RFT1: variants seen among roughly 807,000 people sequenced by gnomAD.
The protein encoded by RFT1 is man(5)GlcNAc(2)-PP-dolichol translocation protein RFT1.
A neutral mutation model predicts 62.2 loss-of-function variants in RFT1; 43 were observed. The observed-to-expected ratio is 0.69, with a 90% confidence interval of 0.54 to 0.89. The LOEUF (loss-of-function observed/expected upper bound fraction) is 0.89, where lower values mean the gene tolerates loss of function less well. Ranked by LOEUF, RFT1 falls within the 40% of genes least tolerant of loss-of-function variation. RFT1 has a pLI of 0.00. For synonymous variants in RFT1, 262 were observed against 264.6 expected (o/e 0.99, Z 0.10); for missense variants, 605 against 649.9 (o/e 0.93, Z 0.75).
At chr3:53,102,861 C>T (rs564888088) in intron 10 of RFT1, among the ~76,000 whole-genome samples, 72 of 152,314 alleles carry the variant, frequency 4.7e-4, no homozygotes, top group South Asian at 2.1e-3. Context: ...CTCCTTGAGG[C>T]AACGCCCTGT....
chr3:53,118,244 C>T (rs1701864348), intron 6 of RFT1, among the ~76,000 whole-genome samples: 1 of 152,168 alleles, frequency 6.6e-6, no homozygotes, highest in African/African-American at 2.4e-5. Flanking sequence ...ATCTGCCAGG[C>T]TTGGTACAGG....
chr3:53,121,372 T>G (rs1321123759), intron 5 of RFT1, among the ~76,000 whole-genome samples: 2 of 152,126 alleles, frequency 1.3e-5, no homozygotes, highest in African/African-American at 4.8e-5. Context: ...CCCACTGATT[T>G]TTTTCTCCTT....
At chr3:53,076,951 CA>C in the RFT1 span, among the ~76,000 whole-genome samples, 2,093 of 90,180 alleles carry the variant, frequency 0.023, 26 homozygotes, top group African/African-American at 0.062. Flanking sequence ...GACCTCATCT[CA>C]AAAAAAAAAA....
downstream of RFT1, among the ~76,000 whole-genome samples, chr3:53,088,068 A>G (rs955680556): frequency 3.9e-5 from 6 of 152,208 alleles, no homozygotes; most frequent in African/African-American, 1.4e-4. Context: ...TATTAGAGTG[A>G]AGGGGCTGTC....
intron 5 of RFT1, among the ~76,000 whole-genome samples, chr3:53,120,478 A>G (rs1701939914): frequency 6.6e-6 from 1 of 152,218 alleles, no homozygotes; most frequent in African/African-American, 2.4e-5. Context: ...ATTAATGATT[A>G]CAAAGCACAA....
downstream of RFT1, among the ~76,000 whole-genome samples, chr3:53,084,481 T>C (rs549916756): frequency 2.6e-5 from 4 of 152,272 alleles, no homozygotes; most frequent in East Asian, 7.7e-4. Context: ...TTGGAAAGGG[T>C]GTCAGGATCT....
At chr3:53,066,860 G>T in the RFT1 span, among the ~76,000 whole-genome samples, 4 of 152,218 alleles carry the variant, frequency 2.6e-5, no homozygotes, top group African/African-American at 9.7e-5. Context: ...ACGTGCACAG[G>T]ATTATTCATA....
intron 10 of RFT1, among the ~76,000 whole-genome samples, chr3:53,102,083 G>A (rs1701332890): frequency 1.3e-5 from 2 of 151,976 alleles, no homozygotes; most frequent in African/African-American, 2.4e-5. Context: ...AGGCAGACAC[G>A]TGCAGGGAGA....
chr3:53,104,209 G>A (rs1306514032), intron 9 of RFT1, 112 bp from the exon 10 acceptor site: 1 of 1,066,102 alleles, frequency 9.4e-7, no homozygotes, highest in East Asian at 2.5e-5. Flanking sequence ...TCTTCCAACA[G>A]CGTGATGGAT....
intron 11 of RFT1, among the ~76,000 whole-genome samples, chr3:53,096,301 GC>G (rs1048045967): frequency 5.3e-5 from 8 of 152,138 alleles, no homozygotes; most frequent in Non-Finnish European, 7.4e-5. Context: ...AAATTAGACA[GC>G]CTTAACAAAA....
chr3:53,094,735 G>A (rs1471245924), intron 11 of RFT1, among the ~76,000 whole-genome samples: 2 of 151,840 alleles, frequency 1.3e-5, no homozygotes, highest in African/African-American at 4.8e-5. Flanking sequence ...CCCCAACTCC[G>A]AGTAAAATAA....
At chr3:53,092,150 T>G in intron 12 of RFT1, 80 bp from the exon 13 acceptor site, 2 of 1,556,226 alleles carry the variant, frequency 1.3e-6, no homozygotes, top group South Asian at 2.3e-5. Flanking sequence ...AAGACAGCTG[T>G]GGTTCCAGCT....
the RFT1 span, among the ~76,000 whole-genome samples, chr3:53,081,640 G>A: frequency 9.2e-5 from 14 of 152,296 alleles, no homozygotes; most frequent in South Asian, 1.7e-3. Context: ...AATTAGACCC[G>A]AGAGGCCAAA....
At chr3:53,111,765 T>C (rs878916263) in intron 7 of RFT1, 65 bp downstream of exon 7, 1 of 1,340,424 alleles carries the variant, frequency 7.5e-7, no homozygotes, top group Non-Finnish European at 1.1e-6. Flanking sequence ...CCCAGGTAAT[T>C]GGCAGTCCTA....
chr3:53,092,031 C>G lies in RFT1; in HGVS notation c.1498G>C (p.Ala500Pro), dbSNP rs1474992400. 16 of 1,614,146 alleles carry G rather than the reference C, an allele frequency of 9.9e-6. No homozygotes were observed. Among genetic ancestry groups the G allele is most frequent in the Non-Finnish European group, 1.4e-5 (16 of 1,180,050 alleles). Residue 500 changes from alanine to proline, a missense_variant, in exon 13 of 13, where the codon GCA becomes CCA. Coordinates refer to ENST00000296292, the MANE Select transcript of RFT1 (RefSeq NM_052859.4). The stretch of plus-strand genomic sequence containing the variant: ...CAGAAGGCCCCCACAGCAATGTGTG[C>G]CAGTCTGGCTGGCCAGCCCTGCTCA... ...CCEQGWPARL[A>P]HIAVGAFCLG...
the RFT1 span, among the ~76,000 whole-genome samples, chr3:53,070,035 G>A: frequency 4.7e-3 from 723 of 152,292 alleles, 7 homozygotes; most frequent in African/African-American, 0.017. Context: ...CTGGCTAGAT[G>A]TTTCCTGCCC....
At chr3:53,083,254 G>C in the RFT1 span, among the ~76,000 whole-genome samples, 1 of 145,562 alleles carries the variant, frequency 6.9e-6, no homozygotes, top group African/African-American at 2.5e-5. Flanking sequence ...GCTCACGCCT[G>C]TAATCCCAGC....
At chr3:53,098,801 CAAAAAAA>C (rs35371104) in intron 11 of RFT1, among the ~76,000 whole-genome samples, 1 of 57,634 alleles carries the variant, frequency 1.7e-5, no homozygotes, top group Non-Finnish European at 2.8e-5. Context: ...GACTCCATCT[CAAAAAAA>C]AAAAAAAAAA....
the RFT1 span, among the ~76,000 whole-genome samples, chr3:53,072,452 A>G: frequency 6.3e-4 from 96 of 152,064 alleles, no homozygotes; most frequent in Non-Finnish European, 1.2e-3. Context: ...GTCCCTACCC[A>G]CCTCGTAGGT....
Sources: allele counts gnomAD v4.1 joint callset (sites outside exome capture counted in the v4.1 genomes callset), GRCh38; gene constraint gnomAD v4.1.1; transcripts MANE v1.5; gene names NCBI Gene and HGNC (gene_info 2026-07-23, HGNC 2026-07-21).